The following PITPNC1 variants were observed in gnomAD, a reference collection of about 807,000 sequenced individuals.
PITPNC1 encodes the protein phosphatidylinositol transfer protein cytoplasmic 1.
Under a neutral mutation model 44.7 loss-of-function variants are expected in PITPNC1, and 18 were observed. The ratio of observed to expected loss-of-function variants is 0.40; its 90% CI spans 0.28 to 0.60. The LOEUF (loss-of-function observed/expected upper bound fraction) is 0.60, where lower values mean the gene tolerates loss of function less well. PITPNC1 is among the 20% of genes least tolerant of loss of function. The pLI is 0.39. For missense variants in PITPNC1, 290 were observed against 418.4 expected (o/e 0.69, Z 2.68); for synonymous variants, 141 against 149.6 (o/e 0.94, Z 0.42).
At chr17:67,522,177 G>A (rs1022089483) in intron 1 of PITPNC1, among the ~76,000 whole-genome samples, 3 of 152,044 alleles carry the variant, frequency 2.0e-5, no homozygotes, top group East Asian at 1.9e-4. Flanking sequence ...GGTGGCACAC[G>A]CTTGTAATTC....
intron 1 of PITPNC1, among the ~76,000 whole-genome samples, chr17:67,487,257 C>G (rs1302240968): frequency 2.0e-5 from 3 of 152,072 alleles, no homozygotes; most frequent in Non-Finnish European, 4.4e-5. Flanking sequence ...TCACTGCAAC[C>G]TCTGCCTCCC....
chr17:67,533,422 A>C (rs910358879), intron 2 of PITPNC1, among the ~76,000 whole-genome samples: 5 of 152,202 alleles, frequency 3.3e-5, no homozygotes, highest in South Asian at 2.1e-4. Flanking sequence ...TGATCTTAAG[A>C]ATTCAAGAGC....
chr17:67,441,964 G>T (rs780157784), intron 1 of PITPNC1, among the ~76,000 whole-genome samples: 2 of 151,836 alleles, frequency 1.3e-5, no homozygotes, highest in African/African-American at 4.8e-5. Context: ...CCCCTGAAGC[G>T]TTTGTGATTT....
intron 5 of PITPNC1, among the ~76,000 whole-genome samples, chr17:67,631,645 A>ATATAT (rs1488483852): frequency 3.7e-4 from 3 of 8,002 alleles, no homozygotes; most frequent in East Asian, 3.8e-3. Flanking sequence ...CAAAAAAAAA[A>ATATAT]AAAAAAAAAA....
Position 67,524,895 on chromosome 17 carries a change from G to A in PITPNC1, c.49-7907G>A, listed in dbSNP as rs1462424369. 7.7e-5 allele frequency among the ~76,000 whole-genome samples: 2 copies of A among 26,086 alleles called. 1 individual carries two copies. The highest frequency in any genetic ancestry group is 1.3e-4 in the Non-Finnish European group (2 of 14,998). The allele number at this position is 26,086 out of a possible 152,430, so 17.1% of individuals were successfully genotyped here. On this transcript the variant is annotated intron_variant, in intron 1 of 8. Transcript: ENST00000581322. ...CGCCATTCTCCTGCCTCAGCCTCCC[G>A]AGTAGCTGGGACTACAGGCGCCCGC...
At chr17:67,480,644 A>G (rs1386077392) in intron 1 of PITPNC1, among the ~76,000 whole-genome samples, 2 of 151,372 alleles carry the variant, frequency 1.3e-5, no homozygotes, top group Non-Finnish European at 1.5e-5. Context: ...ACATGTATGT[A>G]TTTTTTTTTG....
intron 6 of PITPNC1, among the ~76,000 whole-genome samples, chr17:67,656,239 G>A (rs538224979): frequency 1.3e-3 from 199 of 152,258 alleles, no homozygotes; most frequent in African/African-American, 4.5e-3. Flanking sequence ...TCTGGAGGCC[G>A]GAAGTCTGAA....
intron 1 of PITPNC1, among the ~76,000 whole-genome samples, chr17:67,409,464 C>G (rs2038459151): frequency 6.6e-6 from 1 of 152,068 alleles, no homozygotes; most frequent in African/African-American, 2.4e-5. Context: ...ATTGTATTGT[C>G]TGAATCTTGT....
intron 6 of PITPNC1, among the ~76,000 whole-genome samples, chr17:67,637,287 C>CA (rs1555575337): frequency 8.2e-5 from 12 of 147,094 alleles, no homozygotes; most frequent in African/African-American, 2.7e-4. Context: ...ATCAGAGTTC[C>CA]TTTTTTTTTT....
At chr17:67,592,744 C>A (rs1005556512) in intron 5 of PITPNC1, among the ~76,000 whole-genome samples, 4 of 152,108 alleles carry the variant, frequency 2.6e-5, no homozygotes, top group African/African-American at 9.7e-5. Context: ...ATAGGGAAAA[C>A]TAAAATAATA....
rs147856914 is a variant in PITPNC1, at chr17:67,638,440, C to G, written c.462+6202C>G. 3 of 152,318 alleles carry G rather than the reference C, an allele frequency of 2.0e-5. No individual in the cohort carries two copies. The East Asian group carries it at 5.8e-4, about 29-fold the overall frequency. The allele number at this position is 152,318 out of a possible 1,614,324, so 9.4% of individuals were successfully genotyped here. ...GCTTCCATCATGAGATGGGGAGTGA[C>G]CAAAGAAAATGGCATCTATACTGGC... On this transcript the variant is annotated intron_variant, in intron 6 of 8. Coordinates refer to ENST00000581322, the MANE Select transcript of PITPNC1 (RefSeq NM_012417.4).
chr17:67,678,484 C>T (rs2042644499), intron 8 of PITPNC1, among the ~76,000 whole-genome samples: 1 of 152,236 alleles, frequency 6.6e-6, no homozygotes, highest in Admixed American at 6.5e-5. Context: ...TCTCCCCCTG[C>T]ATACACTGAC....
intron 6 of PITPNC1, among the ~76,000 whole-genome samples, chr17:67,650,812 C>T (rs1263308414): frequency 6.6e-6 from 1 of 152,156 alleles, no homozygotes; most frequent in African/African-American, 2.4e-5. Flanking sequence ...TGCCTCGTCC[C>T]TCTTCTTAAA....
At chr17:67,596,422 G>A (rs1022727855) in intron 5 of PITPNC1, among the ~76,000 whole-genome samples, 1 of 152,056 alleles carries the variant, frequency 6.6e-6, no homozygotes, top group East Asian at 1.9e-4. Context: ...TGGTACTCAC[G>A]GGTAACAACA....
At chr17:67,682,826 T>C (rs2706669) in intron 8 of PITPNC1, among the ~76,000 whole-genome samples, 26,588 of 152,124 alleles carry the variant, frequency 0.17, 4,221 homozygotes, top group African/African-American at 0.42. Context: ...GGCTGACTGT[T>C]TACCAATGTA....
chr17:67,666,007 A>AT lies in PITPNC1; in HGVS notation c.463-3494dup, dbSNP rs34928976. Among the ~76,000 whole-genome samples, 4 of 151,832 alleles carry AT rather than the reference A, an allele frequency of 2.6e-5. 1 individual carries two copies. The highest frequency in any genetic ancestry group is 6.6e-5 in the Admixed American group (1 of 15,224). On this transcript the variant is annotated intron_variant, in intron 6 of 8. Coordinates refer to ENST00000581322, the MANE Select transcript of PITPNC1 (RefSeq NM_012417.4). ...AGGCATGCATCACCATGCCCAGCTC[A>AT]TTTTTTTATATTTTTAGTAGAGACG...
intron 1 of PITPNC1, among the ~76,000 whole-genome samples, chr17:67,512,449 C>G (rs531202751): frequency 2.1e-5 from 3 of 142,380 alleles, no homozygotes; most frequent in Non-Finnish European, 3.0e-5. Flanking sequence ...TGCAGTGAGC[C>G]GAGATCGTGC....
At chr17:67,524,518 G>A (rs2083500240) in intron 1 of PITPNC1, 1 of 151,610 alleles carries the variant, frequency 6.6e-6, no homozygotes, top group South Asian at 2.1e-4. Context: ...AGTTAACCCA[G>A]TATACAAAAA....
intron 1 of PITPNC1, among the ~76,000 whole-genome samples, chr17:67,415,906 T>C (rs2038579880): frequency 8.7e-6 from 1 of 114,524 alleles, no homozygotes; most frequent in Non-Finnish European, 1.8e-5. Context: ...AAATCACGCT[T>C]ACCTAAAAAA....
Sources: allele counts gnomAD v4.1 joint callset (sites outside exome capture counted in the v4.1 genomes callset), GRCh38; gene constraint gnomAD v4.1.1; transcripts MANE v1.5; gene names NCBI Gene and HGNC (gene_info 2026-07-23, HGNC 2026-07-21).